Variants in FOXJ3 observed in about 807,000 individuals in gnomAD.
The protein encoded by FOXJ3 is forkhead box J3.
In FOXJ3, 22 loss-of-function variants were observed where a neutral mutation model predicts 76.1. The observed-to-expected ratio is 0.29, with a 90% confidence interval of 0.21 to 0.41. The LOEUF (loss-of-function observed/expected upper bound fraction) is 0.41, where lower values mean the gene tolerates loss of function less well. FOXJ3 is among the 10% of genes least tolerant of loss of function. The pLI is 1.00. For synonymous variants in FOXJ3, 269 were observed against 261.2 expected (o/e 1.03, Z -0.29); for missense variants, 613 against 762.1 (o/e 0.80, Z 2.30).
intron 1 of FOXJ3, among the ~76,000 whole-genome samples, chr1:42,328,113 T>G (rs185801416): frequency 6.6e-6 from 1 of 152,160 alleles, no homozygotes; most frequent in African/African-American, 2.4e-5. Flanking sequence ...GGAGCCAGCA[T>G]AGTCAGATCT....
intron 9 of FOXJ3, among the ~76,000 whole-genome samples, chr1:42,190,570 AATT>A (rs2124189411): frequency 6.6e-6 from 1 of 152,332 alleles, no homozygotes; most frequent in South Asian, 2.1e-4. Context: ...GGTTCAAAGG[AATT>A]ATATGATTTA....
chr1:42,293,095 T>C (rs1180896326), intron 2 of FOXJ3, among the ~76,000 whole-genome samples: 4 of 152,148 alleles, frequency 2.6e-5, no homozygotes, highest in African/African-American at 9.7e-5. Context: ...AGTGAGACTC[T>C]GCCTCCAAAA....
chr1:42,223,238 C>T (rs143673907), intron 5 of FOXJ3, among the ~76,000 whole-genome samples: 17 of 152,288 alleles, frequency 1.1e-4, no homozygotes, highest in African/African-American at 3.6e-4. Context: ...ATCCCTAGCT[C>T]AGGCCATTAC....
At chr1:42,225,497 A>G (rs984553795) in intron 5 of FOXJ3, among the ~76,000 whole-genome samples, 1 of 152,198 alleles carries the variant, frequency 6.6e-6, no homozygotes, top group African/African-American at 2.4e-5. Context: ...TAAGAACACT[A>G]TATTTTAGTA....
chr1:42,203,781 A>C (rs1417875837), intron 6 of FOXJ3, among the ~76,000 whole-genome samples: 1 of 152,100 alleles, frequency 6.6e-6, no homozygotes, highest in Non-Finnish European at 1.5e-5. Flanking sequence ...AGATCACCTG[A>C]GGTCAGGAGT....
At chr1:42,226,334 G>A (rs543530926) in intron 5 of FOXJ3, among the ~76,000 whole-genome samples, 25 of 152,282 alleles carry the variant, frequency 1.6e-4, no homozygotes, top group Admixed American at 3.3e-4. Context: ...AGCTCTGGCC[G>A]GGCACGGCGG....
intron 6 of FOXJ3, among the ~76,000 whole-genome samples, chr1:42,202,968 C>T (rs1646790716): frequency 2.0e-5 from 3 of 152,204 alleles, no homozygotes; most frequent in Admixed American, 6.5e-5. Flanking sequence ...CTCCTGCACA[C>T]TAAAAACAAC....
intron 1 of FOXJ3, among the ~76,000 whole-genome samples, chr1:42,314,763 G>A (rs1390214700): frequency 6.6e-6 from 1 of 152,196 alleles, no homozygotes; most frequent in Non-Finnish European, 1.5e-5. Flanking sequence ...CAACTCCTTT[G>A]AAAGTTAAAC....
chr1:42,325,235 C>G (rs1425054126), intron 1 of FOXJ3, among the ~76,000 whole-genome samples: 1 of 152,166 alleles, frequency 6.6e-6, no homozygotes. Flanking sequence ...AACAATTGCT[C>G]ATTAGATGAG....
chr1:42,266,023 A>AAT (rs1191681626), intron 3 of FOXJ3, among the ~76,000 whole-genome samples: 1 of 152,148 alleles, frequency 6.6e-6, no homozygotes, highest in African/African-American at 2.4e-5. Flanking sequence ...CCATTCTCAA[A>AAT]TTATCTTGGT....
At chr1:42,241,527 A>G (rs569036052) in intron 4 of FOXJ3, among the ~76,000 whole-genome samples, 2 of 152,070 alleles carry the variant, frequency 1.3e-5, no homozygotes, top group East Asian at 3.9e-4. Context: ...TGCCCCACCC[A>G]CCATGGCTGG....
intron 1 of FOXJ3, among the ~76,000 whole-genome samples, chr1:42,331,622 A>C (rs1278084782): frequency 6.6e-6 from 1 of 152,162 alleles, no homozygotes; most frequent in Non-Finnish European, 1.5e-5. Flanking sequence ...ACATCTCTAC[A>C]AGATTGTAAG....
At position 42,311,788 on chromosome 1, in the gene FOXJ3, A is replaced by G. The variant is rs548074949; in HGVS notation, c.-17-678T>C. The stretch of plus-strand genomic sequence containing the variant: ...TAAAGGATTTATATAACTTCAATGA[A>G]CCTCAGTTTCTTCATCTGTAACGTG... On this transcript the variant is annotated intron_variant, in intron 1 of 12. Transcript: ENST00000361346. Among the ~76,000 whole-genome samples the G allele has an allele frequency of 2.6e-5, 4 of 152,190 alleles. No individual in the cohort carries two copies. In the East Asian group the frequency reaches 7.7e-4, roughly 29 times the overall value.
rs1647203800 is a variant in FOXJ3, at chr1:42,222,002, AGGAGGAGGAGAAGGAGAAGGGGGAGGGGG to A, written c.528+5852_528+5880del. 5.7e-4 allele frequency among the ~76,000 whole-genome samples: 3 copies of A among 5,246 alleles called. 1 individual carries two copies. Among genetic ancestry groups the A allele is most frequent in the Non-Finnish European group, 1.4e-3 (3 of 2,194 alleles). The allele number at this position is 5,246 out of a possible 152,430, so 3.4% of individuals were successfully genotyped here. ...GAGGGGGAGGGGGAGGGGGAGGGGG[AGGAGGAGGAGAAGGAGAAGGGGGAGGGGG>A]AGGAGAAGGAGAAGGAGAAGAAGAA... On this transcript the variant is annotated intron_variant, in intron 5 of 12. Transcript: ENST00000361346.
chr1:42,195,791 T>A (rs1646639469), intron 7 of FOXJ3, among the ~76,000 whole-genome samples: 1 of 152,256 alleles, frequency 6.6e-6, no homozygotes, highest in African/African-American at 2.4e-5. Context: ...AAAATATGAA[T>A]TTTTACATAG....
At chr1:42,312,264 C>T (rs1243074399) in intron 1 of FOXJ3, among the ~76,000 whole-genome samples, 2 of 152,132 alleles carry the variant, frequency 1.3e-5, no homozygotes, top group African/African-American at 4.8e-5. Flanking sequence ...TGCTATGTTG[C>T]CCAGGCTGAT....
chr1:42,273,112 C>T (rs369916631), intron 3 of FOXJ3, among the ~76,000 whole-genome samples: 12 of 152,284 alleles, frequency 7.9e-5, no homozygotes, highest in South Asian at 2.1e-4. Flanking sequence ...CTTTTTACTA[C>T]GTCACATACA....
At chr1:42,283,179 A>T (rs896373174) in intron 2 of FOXJ3, among the ~76,000 whole-genome samples, 2 of 152,256 alleles carry the variant, frequency 1.3e-5, no homozygotes, top group African/African-American at 4.8e-5. Context: ...GATGAAAAGC[A>T]TATACTGTTA....
intron 1 of FOXJ3, among the ~76,000 whole-genome samples, chr1:42,326,448 A>G (rs768966880): frequency 1.3e-5 from 2 of 152,148 alleles, no homozygotes; most frequent in Non-Finnish European, 2.9e-5. Flanking sequence ...CTATGCAGAT[A>G]TAACTTCTCT....
Sources: allele counts gnomAD v4.1 joint callset (sites outside exome capture counted in the v4.1 genomes callset), GRCh38; gene constraint gnomAD v4.1.1; transcripts MANE v1.5; gene names NCBI Gene and HGNC (gene_info 2026-07-23, HGNC 2026-07-21).